CHRM3: variants seen among roughly 807,000 people sequenced by gnomAD.
CHRM3 encodes the protein muscarinic acetylcholine receptor M3.
CHRM3 carries 11 observed loss-of-function variants against 41.8 expected under a neutral mutation model. That is an observed-to-expected ratio of 0.26 (90% CI 0.17 to 0.44). The LOEUF (loss-of-function observed/expected upper bound fraction) is 0.44. Among genes scored for constraint, CHRM3 ranks in the 20% least tolerant of loss-of-function variants. CHRM3 has a pLI of 1.00. For synonymous variants in CHRM3, 297 were observed against 301.4 expected, an observed-to-expected ratio of 0.99 and a Z score of 0.15; for missense variants, 571 against 745.4, an observed-to-expected ratio of 0.77 and a Z score of 2.72.
In CHRM3 at chr1:239,656,965, T is replaced by G. The variant is rs552018465; in HGVS notation, c.-249-21221T>G. ...AAAACTGACATAGAAGTATGAACCT[T>G]TGGCTTTGAAAATAAGGGTCATTAA... is the stretch of plus-strand genomic sequence containing the variant. On this transcript the variant is annotated intron_variant, in intron 4 of 6. Transcript: ENST00000676153. Among the ~76,000 whole-genome samples the G allele has an allele frequency of 6.6e-5, 10 of 152,290 alleles. No individual in the cohort carries two copies. In the South Asian group the frequency reaches 1.0e-3, roughly 16 times the overall value.
chr1:239,723,072 C>G (rs988766168), intron 5 of CHRM3, among the ~76,000 whole-genome samples: 1 of 151,850 alleles, frequency 6.6e-6, no homozygotes, highest in African/African-American at 2.4e-5. Flanking sequence ...CTTTCTATCT[C>G]TCATTTCACC....
chr1:239,424,651 T>G (rs1315302658), intron 1 of CHRM3, among the ~76,000 whole-genome samples: 2 of 152,200 alleles, frequency 1.3e-5, no homozygotes, highest in African/African-American at 4.8e-5. Context: ...TGAGACAGTC[T>G]GACTTGGTCA....
rs868166091 is a variant in CHRM3 at position 239,866,291 on chromosome 1, G to A, written c.-20+38913G>A. 1.3e-4 allele frequency among the ~76,000 whole-genome samples: 20 copies of A among 152,150 alleles called. 1 individual carries two copies. Among genetic ancestry groups the A allele is most frequent in the African/African-American group, 4.8e-4 (20 of 41,498 alleles). ...ACTCGGGAGGCTGAGGCAGGAGAAT[G>A]GCGTGAACCCGGGAGGCGGAGCTTG... On this transcript the variant is annotated intron_variant, in intron 6 of 6. Transcript: ENST00000676153.
chr1:239,666,594 C>T (rs1673828943), intron 4 of CHRM3, among the ~76,000 whole-genome samples: 1 of 152,084 alleles, frequency 6.6e-6, no homozygotes, highest in African/African-American at 2.4e-5. Context: ...TTTTCTTTTC[C>T]ACCACCTGCC....
intron 3 of CHRM3, among the ~76,000 whole-genome samples, chr1:239,547,822 A>G (rs1156658634): frequency 6.6e-6 from 1 of 152,238 alleles, no homozygotes; most frequent in African/African-American, 2.4e-5. Context: ...TTCAAAAATG[A>G]TTAACAAATA....
intron 4 of CHRM3, among the ~76,000 whole-genome samples, chr1:239,665,205 C>T (rs1171715166): frequency 6.6e-6 from 1 of 151,578 alleles, no homozygotes; most frequent in Non-Finnish European, 1.5e-5. Flanking sequence ...GACCTTACCT[C>T]CCTGTCTTCT....
At chr1:239,578,527 G>A (rs1662580684) in intron 3 of CHRM3, among the ~76,000 whole-genome samples, 2 of 152,148 alleles carry the variant, frequency 1.3e-5, no homozygotes, top group Admixed American at 1.3e-4. Flanking sequence ...AATTCCCAAA[G>A]AGGCACTTTA....
chr1:239,787,442 A>G (rs1668994630), intron 5 of CHRM3, among the ~76,000 whole-genome samples: 1 of 152,132 alleles, frequency 6.6e-6, no homozygotes, highest in South Asian at 2.1e-4. Context: ...GCCAGCCTGG[A>G]GGGAAGAAGC....
chr1:239,684,852 T>C (rs756229012), intron 5 of CHRM3, among the ~76,000 whole-genome samples: 7 of 151,372 alleles, frequency 4.6e-5, no homozygotes, highest in Non-Finnish European at 8.8e-5. Context: ...TCTGGGACAG[T>C]GGATGGAGAG....
intron 6 of CHRM3, among the ~76,000 whole-genome samples, chr1:239,906,975 C>T (rs1393745104): frequency 3.3e-5 from 5 of 152,268 alleles, no homozygotes; most frequent in Admixed American, 1.3e-4. Context: ...GCTGGTATCA[C>T]CTTAAAGTTG....
At chr1:239,779,529 T>C (rs1668355386) in intron 5 of CHRM3, among the ~76,000 whole-genome samples, 1 of 152,094 alleles carries the variant, frequency 6.6e-6, no homozygotes, top group Admixed American at 6.6e-5. Context: ...AGGCCGGGAG[T>C]TTGAGACCAG....
At chr1:239,866,348 C>G (rs1445909037) in intron 6 of CHRM3, among the ~76,000 whole-genome samples, 2 of 151,530 alleles carry the variant, frequency 1.3e-5, no homozygotes, top group Non-Finnish European at 2.9e-5. Context: ...TGCAGTGAGC[C>G]GAGATCCCCC....
At position 239,667,656 on chromosome 1, in the gene CHRM3, G is replaced by A. The variant is rs538134955; in HGVS notation, c.-249-10530G>A. On this transcript the variant is annotated intron_variant, in intron 4 of 6. Transcript: ENST00000676153. ...ACCTCTTCATCCTTTCCCTTGTCACGTGCTACCTCCTGTAAGTGCACATGC... is the reference window on the plus strand; with the variant it reads ...ACCTCTTCATCCTTTCCCTTGTCACATGCTACCTCCTGTAAGTGCACATGC... Among the ~76,000 whole-genome samples, 332 of 152,218 alleles carry A rather than the reference G, an allele frequency of 2.2e-3. 3 individuals carry two copies. The highest frequency in any genetic ancestry group is 7.5e-3 in the African/African-American group (310 of 41,546).
intron 3 of CHRM3, among the ~76,000 whole-genome samples, chr1:239,591,401 A>G (rs1450463945): frequency 6.6e-6 from 1 of 152,130 alleles, no homozygotes; most frequent in East Asian, 1.9e-4. Context: ...GGATGTACAT[A>G]CTTCATTGTC....
At chr1:239,688,257 T>TAC (rs1659341953) in intron 5 of CHRM3, among the ~76,000 whole-genome samples, 1 of 147,782 alleles carries the variant, frequency 6.8e-6, no homozygotes, top group African/African-American at 2.5e-5. Flanking sequence ...TATTAAATAA[T>TAC]ATATAATACA....
intron 1 of CHRM3, among the ~76,000 whole-genome samples, chr1:239,480,552 T>G (rs1207477885): frequency 8.6e-5 from 12 of 139,816 alleles, no homozygotes; most frequent in Non-Finnish European, 1.1e-4. Flanking sequence ...AATTTTTTTT[T>G]TTTTTTTTTT....
chr1:239,589,941 G>A (rs963732395), intron 3 of CHRM3, among the ~76,000 whole-genome samples: 1 of 152,014 alleles, frequency 6.6e-6, no homozygotes. Flanking sequence ...AGTGATAAAT[G>A]TAAGTGCTTT....
At chr1:239,860,960 AT>A (rs1177843666) in intron 6 of CHRM3, among the ~76,000 whole-genome samples, 3 of 152,076 alleles carry the variant, frequency 2.0e-5, no homozygotes, top group African/African-American at 7.2e-5. Flanking sequence ...TATTCTTATT[AT>A]TTGTATTTAG....
chr1:239,444,366 T>C (rs1169904646), intron 1 of CHRM3, among the ~76,000 whole-genome samples: 3 of 152,144 alleles, frequency 2.0e-5, no homozygotes, highest in Non-Finnish European at 4.4e-5. Context: ...TTTTACAATA[T>C]AGTAGGAGAA....
Sources: gnomAD v4.1 joint callset for allele counts (sites outside exome capture counted in the v4.1 genomes callset) on GRCh38, gnomAD v4.1.1 for gene constraint, MANE v1.5 for transcripts, NCBI Gene and HGNC (gene_info 2026-07-23, HGNC 2026-07-21) for gene names.